The following RERE variants were observed in gnomAD, a reference collection of about 807,000 sequenced individuals.
RERE encodes the protein arginine-glutamic acid dipeptide repeats protein.
RERE carries 40 observed loss-of-function variants against 146.1 expected under a neutral mutation model. That is an observed-to-expected ratio of 0.27 (90% CI 0.21 to 0.36). The LOEUF is 0.36. RERE is among the 10% of genes least tolerant of loss of function. The pLI, the probability that RERE is intolerant of heterozygous loss-of-function variation, is 1.00. For synonymous variants in RERE, 1,003 were observed against 866.0 expected (o/e 1.16, Z -2.78); for missense variants, 1,933 against 2,138.7 (o/e 0.90, Z 1.90).
At chr1:8,474,149 A>G (rs866007844) in intron 10 of RERE, among the ~76,000 whole-genome samples, 2 of 152,358 alleles carry the variant, frequency 1.3e-5, no homozygotes, top group African/African-American at 4.8e-5. Flanking sequence ...TCTCGAAAGA[A>G]TAAATAATAC....
At chr1:8,553,129 G>A (rs575368300) in intron 6 of RERE, among the ~76,000 whole-genome samples, 42 of 148,390 alleles carry the variant, frequency 2.8e-4, no homozygotes, top group African/African-American at 1.0e-3. Context: ...ACAAACAATC[G>A]TGACACCACA....
intron 10 of RERE, among the ~76,000 whole-genome samples, chr1:8,467,119 A>G (rs1419409138): frequency 6.6e-6 from 1 of 152,194 alleles, no homozygotes; most frequent in Admixed American, 6.5e-5. Context: ...ATAAAATACT[A>G]GGTTCTGGGA....
chr1:8,709,232 T>G (rs1557495512), intron 1 of RERE, among the ~76,000 whole-genome samples: 1 of 151,902 alleles, frequency 6.6e-6, no homozygotes, highest in African/African-American at 2.4e-5. Context: ...TCTAGAGTTT[T>G]TAAAAGAAAA....
intron 11 of RERE, among the ~76,000 whole-genome samples, chr1:8,441,956 G>A (rs562003201): frequency 5.6e-5 from 7 of 125,250 alleles, no homozygotes; most frequent in African/African-American, 1.8e-4. Flanking sequence ...TTGTTGCAGG[G>A]AAGTACTAAA....
intron 2 of RERE, among the ~76,000 whole-genome samples, chr1:8,654,046 G>A (rs980190287): frequency 2.6e-5 from 4 of 151,140 alleles, no homozygotes; most frequent in African/African-American, 9.7e-5. Context: ...TTTTTTGCGG[G>A]GGGGAGGGGT....
At chr1:8,689,533 A>G (rs912579489) in intron 1 of RERE, among the ~76,000 whole-genome samples, 9 of 152,226 alleles carry the variant, frequency 5.9e-5, no homozygotes, top group Non-Finnish European at 8.8e-5. Context: ...AAGAAATTTT[A>G]TACTTCAAAT....
chr1:8,655,207 G>A (rs1221331917), intron 2 of RERE, among the ~76,000 whole-genome samples: 12 of 151,386 alleles, frequency 7.9e-5, no homozygotes, highest in Non-Finnish European at 1.8e-4. Context: ...CTGATCTTCA[G>A]GGCTTTTTTT....
Position 8,423,058 on chromosome 1 carries a change from C to T in RERE, c.1204-251G>A, listed in dbSNP as rs970451812. 3.6e-5 allele frequency: 17 copies of T among 465,764 alleles called. No homozygotes were observed. Among genetic ancestry groups the T allele is most frequent in the Admixed American group, 1.0e-4 (3 of 29,336 alleles). 28.9% of individuals were successfully genotyped at this position (465,764 alleles called of 1,614,324 possible). On this transcript the variant is annotated intron_variant, in intron 11 of 22. Coordinates refer to ENST00000400908, the MANE Select transcript of RERE (RefSeq NM_001042681.2). The surrounding 1 kb of genome is among the most constrained non-coding windows in gnomAD (Gnocchi z 5.4). ...GCGCGTTTAAGAGAAGGACGTCCTGCGTCTGAGGCTAAGAAGCAATCTGTC... is the reference window on the plus strand; with the variant it reads ...GCGCGTTTAAGAGAAGGACGTCCTGTGTCTGAGGCTAAGAAGCAATCTGTC...
chr1:8,745,753 C>T (rs1640406388), intron 1 of RERE, among the ~76,000 whole-genome samples: 1 of 152,150 alleles, frequency 6.6e-6, no homozygotes, highest in South Asian at 2.1e-4. Context: ...AACATATATT[C>T]CCTTTCTTTT....
At chr1:8,592,237 C>T (rs986650086) in intron 4 of RERE, among the ~76,000 whole-genome samples, 3 of 151,962 alleles carry the variant, frequency 2.0e-5, no homozygotes, top group Admixed American at 6.6e-5. Flanking sequence ...ACATAACAGG[C>T]TCCTGCCCTT....
chr1:8,449,355 G>A (rs1644364136), intron 11 of RERE, among the ~76,000 whole-genome samples: 1 of 152,158 alleles, frequency 6.6e-6, no homozygotes, highest in African/African-American at 2.4e-5. Flanking sequence ...CGGCTAGACA[G>A]AGCCCCATTT....
intron 11 of RERE, among the ~76,000 whole-genome samples, chr1:8,431,003 C>A (rs891187030): frequency 6.6e-6 from 1 of 152,204 alleles, no homozygotes; most frequent in Admixed American, 6.5e-5. Context: ...CAGAGCCACA[C>A]TGGGTAGGCC....
chr1:8,454,933 C>T (rs1644435023), intron 11 of RERE, among the ~76,000 whole-genome samples: 1 of 152,128 alleles, frequency 6.6e-6, no homozygotes. Context: ...ATACCCACAC[C>T]TCTGACTCTC....
chr1:8,374,516 C>T (rs745875224), intron 12 of RERE, among the ~76,000 whole-genome samples: 12 of 152,166 alleles, frequency 7.9e-5, no homozygotes, highest in Non-Finnish European at 1.6e-4. Context: ...ATTTGCTAAT[C>T]CCACCCTGGC....
At chr1:8,751,263 C>G (rs1640529179) in intron 1 of RERE, among the ~76,000 whole-genome samples, 1 of 152,160 alleles carries the variant, frequency 6.6e-6, no homozygotes, top group South Asian at 2.1e-4. Context: ...TCTGCCAGCC[C>G]TGCTACTGGA....
At chr1:8,760,796 A>G (rs1259551743) in intron 1 of RERE, among the ~76,000 whole-genome samples, 2 of 151,966 alleles carry the variant, frequency 1.3e-5, no homozygotes, top group Non-Finnish European at 2.9e-5. Context: ...TTTATATTTA[A>G]AAAGAGAAGC....
chr1:8,701,871 T>G (rs891714473), intron 1 of RERE, among the ~76,000 whole-genome samples: 2 of 152,198 alleles, frequency 1.3e-5, no homozygotes, highest in African/African-American at 4.8e-5. Context: ...AAATCTGCCT[T>G]GTGTAATTTA....
intron 1 of RERE, among the ~76,000 whole-genome samples, chr1:8,781,548 T>C (rs937542934): frequency 2.0e-5 from 3 of 151,228 alleles, no homozygotes; most frequent in African/African-American, 7.3e-5. Context: ...AAAAACAAAA[T>C]AAAATAAAAC....
At chr1:8,645,486 A>G (rs1365128084) in intron 2 of RERE, among the ~76,000 whole-genome samples, 1 of 152,066 alleles carries the variant, frequency 6.6e-6, no homozygotes, top group Non-Finnish European at 1.5e-5. Flanking sequence ...AGCTTGAAAA[A>G]GACTGGGAAG....
Sources: gnomAD v4.1 joint callset for allele counts (sites outside exome capture counted in the v4.1 genomes callset) on GRCh38, gnomAD v4.1.1 for gene constraint, Gnocchi (gnomAD v3.1) non-coding constraint, MANE v1.5 for transcripts, NCBI Gene and HGNC (gene_info 2026-07-23, HGNC 2026-07-21) for gene names.